The following TAPT1 variants were observed in gnomAD, a reference collection of about 807,000 sequenced individuals.
The protein encoded by TAPT1 is transmembrane anterior posterior transformation 1.
A neutral mutation model predicts 65.6 loss-of-function variants in TAPT1; 28 were observed. That is an observed-to-expected ratio of 0.43 (90% CI 0.32 to 0.59). TAPT1 has a LOEUF of 0.59. Ranked by LOEUF, TAPT1 falls within the 20% of genes least tolerant of loss-of-function variation. The pLI, the probability that TAPT1 is intolerant of heterozygous loss-of-function variation, is 0.09. For synonymous variants in TAPT1, 278 were observed against 245.2 expected (o/e 1.13, Z -1.25); for missense variants, 563 against 679.9 (o/e 0.83, Z 1.91).
At chr4:16,187,859 A>G (rs1749113978) in intron 5 of TAPT1, among the ~76,000 whole-genome samples, 1 of 152,226 alleles carries the variant, frequency 6.6e-6, no homozygotes, top group Non-Finnish European at 1.5e-5. Flanking sequence ...ATAAAAAAGA[A>G]TTCCTGGATT....
chr4:16,225,899 C>T, intron 1 of TAPT1: 1 of 986,626 alleles, frequency 1.0e-6, no homozygotes, highest in Non-Finnish European at 1.2e-6. Context: ...ATTAAGAAAT[C>T]AGCCGTGTGC....
At chr4:16,226,696 GT>G, upstream of TAPT1, 1 of 158,216 alleles carries the variant, frequency 6.3e-6, no homozygotes, top group Non-Finnish European at 1.3e-5. Flanking sequence ...GCGGGCGACG[GT>G]TTCTCGCGCC....
intron 3 of TAPT1, 77 bp from the exon 4 acceptor site, chr4:16,191,600 A>G (rs1177358989): frequency 7.5e-7 from 1 of 1,328,570 alleles, no homozygotes; most frequent in Non-Finnish European, 1.0e-6. Flanking sequence ...TTTACTCGAT[A>G]TACACTGGCA....
At chr4:16,171,667 AGTGACAATGGAAGCCCTCAACC>A (rs1320379445) in intron 11 of TAPT1, among the ~76,000 whole-genome samples, 1 of 152,196 alleles carries the variant, frequency 6.6e-6, no homozygotes, top group Non-Finnish European at 1.5e-5. Flanking sequence ...CTATGAGAAA[AGTGACAATGGAAGCCCTCAACC>A]GTGTCACAGT....
At chr4:16,173,212 C>G (rs980651472) in intron 11 of TAPT1, among the ~76,000 whole-genome samples, 1 of 152,124 alleles carries the variant, frequency 6.6e-6, no homozygotes, top group African/African-American at 2.4e-5. Context: ...TTTCTTGCCT[C>G]AGCCTCCTGA....
chr4:16,216,524 C>G (rs530004835), intron 1 of TAPT1, among the ~76,000 whole-genome samples: 1 of 152,258 alleles, frequency 6.6e-6, no homozygotes, highest in South Asian at 2.1e-4. Flanking sequence ...ACCTAAAAAA[C>G]GAAACCAGTA....
chr4:16,226,706 C>G (rs914772617), upstream of TAPT1: 1 of 155,094 alleles, frequency 6.4e-6, no homozygotes, highest in Non-Finnish European at 1.4e-5. Flanking sequence ...GTTTCTCGCG[C>G]CGTGGCTGGC....
chr4:16,226,579 GCGGC>G, upstream of TAPT1: 1 of 626,418 alleles, frequency 1.6e-6, no homozygotes, highest in Non-Finnish European at 2.0e-6. Flanking sequence ...GCCGCCATCC[GCGGC>G]CCGCCGACCG....
intron 7 of TAPT1, among the ~76,000 whole-genome samples, chr4:16,183,311 T>A (rs534558447): frequency 6.9e-6 from 1 of 145,146 alleles, no homozygotes; most frequent in Non-Finnish European, 1.5e-5. Flanking sequence ...CAAAAAGTAA[T>A]TTTTTTTTTG....
chr4:16,174,362 A>G, intron 10 of TAPT1, 90 bp from the exon 11 acceptor site: 1 of 1,174,764 alleles, frequency 8.5e-7, no homozygotes, highest in Non-Finnish European at 1.2e-6. Context: ...CAAATGTTCT[A>G]AACAGGTGAG....
At position 16,226,346 on chromosome 4, in the gene TAPT1, G is replaced by C. The variant is rs2108908117; in HGVS notation, c.112C>G (p.Gln38Glu). 5 of 1,115,878 alleles carry C rather than the reference G, an allele frequency of 4.5e-6. No individual in the cohort carries two copies. The highest frequency in any genetic ancestry group is 3.8e-4 in the Middle Eastern group (1 of 2,600). 69.1% of individuals were successfully genotyped at this position (1,115,878 alleles called of 1,614,324 possible). ...EAEQPGGSGG[Q>E]GPPPAPQLTE... ...AGCTGAGGCGCCGGCGGGGGCCCCT[G>C]TCCGCCGCTGCCGCCCGGCTGCTCC... Residue 38 changes from glutamine (Q) to glutamate (E), a missense_variant, in exon 1 of 14, where the codon CAG (glutamine) becomes GAG (glutamate). By Grantham distance (29) the Gln-to-Glu change is conservative. This residue lies in a region of TAPT1 where 103 missense variants were observed against 89.4 expected (regional missense o/e 1.15). Transcript: ENST00000405303.
In TAPT1 at chr4:16,179,706, T is replaced by C. The variant is rs776916224; in HGVS notation, c.917-49A>G. 4 of 927,686 alleles carry C rather than the reference T, an allele frequency of 4.3e-6. No individual in the cohort carries two copies. The South Asian group carries it at 7.1e-5, about 16-fold the overall frequency. 57.5% of individuals were successfully genotyped at this position (927,686 alleles called of 1,614,324 possible). On this transcript the variant is annotated intron_variant, in intron 7 of 13. Transcript: ENST00000405303. ...AGTACTGTAGTGTATATAAACAACA[T>C]AATAAAGTACATATATAATTATTTT...
intron 7 of TAPT1, among the ~76,000 whole-genome samples, chr4:16,180,950 A>T (rs1414797131): frequency 6.6e-6 from 1 of 152,202 alleles, no homozygotes; most frequent in Non-Finnish European, 1.5e-5. Flanking sequence ...AAGCACTGAG[A>T]TGCCTCTTTA....
chr4:16,170,030 T>C (rs149096922), intron 12 of TAPT1, among the ~76,000 whole-genome samples: 116 of 152,346 alleles, frequency 7.6e-4, no homozygotes, highest in African/African-American at 2.4e-3. Flanking sequence ...AGTAAGTTAA[T>C]TGACTGCCAG....
Position 16,213,791 on chromosome 4 carries a change from G to A in TAPT1, c.307C>T (p.Arg103Ter), listed in dbSNP as rs1415349182. The change falls in exon 2 of 14, where the codon CGA (arginine) becomes TGA (stop). Residue 103 changes from arginine to a stop codon, truncating the protein, a stop_gained. Coordinates refer to ENST00000405303, the MANE Select transcript of TAPT1 (RefSeq NM_153365.3). LOFTEE classifies it high-confidence loss of function. ...ACCTTTTCCAATTCTCTTGGTATTC[G>A]CAAACAAGTGTATACTCTTTCTCTT... The part of the protein sequence containing the change: ...ERRERVYTCL[R>*]IPRELEKLMV... 4.5e-6 allele frequency: 7 copies of A among 1,570,562 alleles called. No homozygotes were observed. Among genetic ancestry groups the A allele is most frequent in the Admixed American group, 2.1e-5 (1 of 48,564 alleles).
At position 16,165,484 on chromosome 4, in the gene TAPT1, G is replaced by A. The variant is rs148727783; in HGVS notation, c.1474+1149C>T. 8.1e-3 allele frequency among the ~76,000 whole-genome samples: 1,231 copies of A among 151,268 alleles called. 18 individuals carry two copies. Among genetic ancestry groups the A allele is most frequent in the Admixed American group, 0.013 (190 of 15,174 alleles). On this transcript the variant is annotated intron_variant, in intron 13 of 13. Transcript: ENST00000405303. ...ACTCGAGAGGCCGAGGCAGGAGAATGCCGTGAACCTGGGAGGCGAAGCTTG... is the reference window on the plus strand; with the variant it reads ...ACTCGAGAGGCCGAGGCAGGAGAATACCGTGAACCTGGGAGGCGAAGCTTG...
chr4:16,166,870 T>C, intron 12 of TAPT1, 77 bp from the exon 13 acceptor site: 1 of 1,434,150 alleles, frequency 7.0e-7, no homozygotes, highest in Non-Finnish European at 9.7e-7. Flanking sequence ...CTACCATGGC[T>C]AAGGAGAAGG....
intron 12 of TAPT1, among the ~76,000 whole-genome samples, chr4:16,167,613 T>A (rs1474248203): frequency 1.3e-5 from 2 of 152,196 alleles, no homozygotes. Context: ...TGTGGAGTCC[T>A]GAGTCCACTG....
intron 8 of TAPT1, among the ~76,000 whole-genome samples, chr4:16,178,680 T>C (rs1748506327): frequency 6.6e-6 from 1 of 152,212 alleles, no homozygotes; most frequent in Non-Finnish European, 1.5e-5. Context: ...GAAACTAGCA[T>C]ATGCTCAGTG....
Sources: allele counts gnomAD v4.1 joint callset (sites outside exome capture counted in the v4.1 genomes callset), GRCh38; gene constraint gnomAD v4.1.1; regional missense constraint gnomAD v4.1.1; transcripts MANE v1.5; gene names NCBI Gene and HGNC (gene_info 2026-07-23, HGNC 2026-07-21).